TMEM150C: variants seen among roughly 807,000 people sequenced by gnomAD.
TMEM150C encodes transmembrane protein 150C, also known as tentonin 3.
In TMEM150C, 10 loss-of-function variants were observed where a neutral mutation model predicts 29.9. That is an observed-to-expected ratio of 0.33 (90% confidence interval 0.21 to 0.57). TMEM150C has a LOEUF of 0.57. Ranked by LOEUF, TMEM150C falls within the 20% of genes least tolerant of loss-of-function variation. The pLI is 0.88. For synonymous variants in TMEM150C, 101 were observed against 112.5 expected, an observed-to-expected ratio of 0.90 and a Z score of 0.64; for missense variants, 251 against 303.6, an observed-to-expected ratio of 0.83 and a Z score of 1.29.
At chr4:82,535,028 C>T (rs1378779897) in intron 1 of TMEM150C, among the ~76,000 whole-genome samples, 1 of 152,206 alleles carries the variant, frequency 6.6e-6, no homozygotes, top group African/African-American at 2.4e-5. Flanking sequence ...AAAATTGTTT[C>T]TGTGTCAATT....
intron 1 of TMEM150C, among the ~76,000 whole-genome samples, chr4:82,519,893 T>A (rs181357651): frequency 1.1e-3 from 161 of 152,364 alleles, no homozygotes; most frequent in Non-Finnish European, 1.7e-3. Context: ...TCAAAATATC[T>A]TAATATTTTT....
Position 82,502,891 on chromosome 4 carries a change from T to C in TMEM150C, c.167+4A>G, listed in dbSNP as rs370874444. On this transcript the variant is annotated splice_donor_region_variant and intron_variant, in intron 4 of 7. Transcript: ENST00000449862. ...CACAGGACAGAAGAGAATTGCTGGGTTACCTTATATATGGTGCATGCTTCA... is the reference window on the plus strand; with the variant it reads ...CACAGGACAGAAGAGAATTGCTGGGCTACCTTATATATGGTGCATGCTTCA... 12 of 1,597,914 alleles carry C rather than the reference T, an allele frequency of 7.5e-6. No individual in the cohort carries two copies. In the East Asian group the frequency reaches 9.0e-5, roughly 12 times the overall value.
In TMEM150C at chr4:82,495,280, A is replaced by C; in HGVS notation, c.363+788T>G. 3 of 215,714 alleles carry C rather than the reference A, an allele frequency of 1.4e-5. No individual in the cohort carries two copies. In the South Asian group the frequency reaches 2.0e-4, roughly 15 times the overall value. The allele number at this position is 215,714 out of a possible 1,614,324, so 13.4% of individuals were successfully genotyped here. ...ACAAGGTGAAACTCCGTCTCTACTAAAAATACAAAAATTTAGCTGGGTGTG... is the reference window on the plus strand; with the variant it reads ...ACAAGGTGAAACTCCGTCTCTACTACAAATACAAAAATTTAGCTGGGTGTG... On this transcript the variant is annotated intron_variant, in intron 6 of 7. Coordinates refer to ENST00000449862, the MANE Select transcript of TMEM150C (RefSeq NM_001080506.3).
intron 1 of TMEM150C, among the ~76,000 whole-genome samples, chr4:82,556,958 T>A (rs889727686): frequency 2.0e-5 from 3 of 152,110 alleles, no homozygotes; most frequent in African/African-American, 7.2e-5. Context: ...AAATAATTGA[T>A]TGAGGAAGAG....
intron 7 of TMEM150C, among the ~76,000 whole-genome samples, chr4:82,487,947 A>G (rs1038754626): frequency 2.0e-5 from 3 of 151,872 alleles, no homozygotes; most frequent in African/African-American, 7.3e-5. Context: ...TTATTTATTT[A>G]TATTTCAATA....
intron 1 of TMEM150C, among the ~76,000 whole-genome samples, chr4:82,547,593 A>T (rs560239229): frequency 1.4e-5 from 2 of 138,482 alleles, no homozygotes; most frequent in African/African-American, 3.3e-5. Flanking sequence ...TCTCAAAAAT[A>T]AAAAAAAAAG....
chr4:82,558,998 T>C (rs1193753143), intron 1 of TMEM150C, among the ~76,000 whole-genome samples: 2 of 152,212 alleles, frequency 1.3e-5, no homozygotes, highest in African/African-American at 2.4e-5. Flanking sequence ...GAAGGTTCTT[T>C]GTAATTTCCC....
upstream of TMEM150C, chr4:82,562,086 C>T (rs1334129698): frequency 8.4e-7 from 1 of 1,185,668 alleles, no homozygotes; most frequent in Non-Finnish European, 1.1e-6. Flanking sequence ...CTGGGGTCCC[C>T]GCTGCTAGGC....
chr4:82,494,307 C>T (rs1723466797), intron 6 of TMEM150C, among the ~76,000 whole-genome samples: 1 of 152,114 alleles, frequency 6.6e-6, no homozygotes. Context: ...TCATTCTTGT[C>T]AAGAGCTGGG....
chr4:82,511,332 TC>T (rs1458723207), intron 1 of TMEM150C, among the ~76,000 whole-genome samples: 1 of 152,166 alleles, frequency 6.6e-6, no homozygotes, highest in African/African-American at 2.4e-5. Flanking sequence ...AACTAGTTTT[TC>T]TCCAATGCTG....
At chr4:82,489,416 CA>C in intron 7 of TMEM150C, among the ~76,000 whole-genome samples, 1 of 152,160 alleles carries the variant, frequency 6.6e-6, no homozygotes, top group East Asian at 1.9e-4. Context: ...AGGAGACCTG[CA>C]GCATTTTCCT....
rs565788636 is a variant in TMEM150C at position 82,484,961 on chromosome 4, T to A, written c.*550A>T. The A allele has an allele frequency of 6.5e-6, 1 of 153,632 alleles. No homozygotes were observed. The highest frequency in any genetic ancestry group is 2.4e-5 in the African/African-American group (1 of 41,554). 9.5% of individuals were successfully genotyped at this position (153,632 alleles called of 1,614,324 possible). On this transcript the variant is annotated 3_prime_UTR_variant, in exon 8 of 8. Transcript: ENST00000449862. ...CACACAGCCGACCACTGAACAACGA[T>A]GAAGGGGGCTTTCGTGGGAAAGTTC...
intron 5 of TMEM150C, among the ~76,000 whole-genome samples, chr4:82,496,968 G>C (rs756650195): frequency 2.0e-5 from 3 of 152,186 alleles, no homozygotes; most frequent in Non-Finnish European, 4.4e-5. Flanking sequence ...ATCGTACCTA[G>C]TATATCAAGA....
chr4:82,511,954 T>C (rs964087046), intron 1 of TMEM150C, among the ~76,000 whole-genome samples: 15 of 152,230 alleles, frequency 9.9e-5, no homozygotes, highest in African/African-American at 3.4e-4. Flanking sequence ...ATTTCTCCTC[T>C]TTTTCTTAGC....
At chr4:82,554,017 T>C (rs12330945) in intron 1 of TMEM150C, among the ~76,000 whole-genome samples, 105 of 152,294 alleles carry the variant, frequency 6.9e-4, no homozygotes, top group African/African-American at 2.4e-3. Context: ...CAAGAACAAT[T>C]CTATTAGCTG....
At chr4:82,539,688 G>A (rs1725137045) in intron 1 of TMEM150C, among the ~76,000 whole-genome samples, 1 of 152,126 alleles carries the variant, frequency 6.6e-6, no homozygotes, top group African/African-American at 2.4e-5. Flanking sequence ...TCCTGACCTC[G>A]TGATCTGCCC....
chr4:82,527,800 T>G (rs2110081417), intron 1 of TMEM150C, among the ~76,000 whole-genome samples: 1 of 152,232 alleles, frequency 6.6e-6, no homozygotes, highest in African/African-American at 2.4e-5. Context: ...TGGTTTTGCT[T>G]CTCTTTGAAC....
At chr4:82,519,935 G>A (rs889632009) in intron 1 of TMEM150C, among the ~76,000 whole-genome samples, 2 of 152,122 alleles carry the variant, frequency 1.3e-5, no homozygotes, top group Non-Finnish European at 2.9e-5. Flanking sequence ...AACTGAAACT[G>A]TGGAAAGTGA....
intron 1 of TMEM150C, among the ~76,000 whole-genome samples, chr4:82,524,513 C>A (rs974804494): frequency 2.8e-4 from 42 of 152,302 alleles, no homozygotes; most frequent in African/African-American, 9.1e-4. Flanking sequence ...TTTCTTTAGT[C>A]TCTGCAGAAA....
Sources: gnomAD v4.1 joint callset for allele counts (sites outside exome capture counted in the v4.1 genomes callset) on GRCh38, gnomAD v4.1.1 for gene constraint, MANE v1.5 for transcripts, NCBI Gene and HGNC (gene_info 2026-07-23, HGNC 2026-07-21) for gene names.